Variants in CSNK2A2IP observed in about 807,000 individuals in gnomAD.
CSNK2A2IP encodes casein kinase 2 subunit alpha' interacting protein.
the CSNK2A2IP span, among the ~76,000 whole-genome samples, chr3:88,458,141 GTTTTTTTTTT>G: frequency 1.2e-5 from 1 of 83,304 alleles, no homozygotes; most frequent in African/African-American, 5.4e-5. Context: ...TGTAATTGTG[GTTTTTTTTTT>G]TTTTTTTTTT....
chr3:88,400,055 A>G, the CSNK2A2IP span, among the ~76,000 whole-genome samples: 1 of 152,344 alleles, frequency 6.6e-6, no homozygotes, highest in East Asian at 1.9e-4. Context: ...AGAGTAGAAA[A>G]GTAACATCTG....
chr3:88,401,937 T>G, the CSNK2A2IP span, among the ~76,000 whole-genome samples: 1 of 152,026 alleles, frequency 6.6e-6, no homozygotes, highest in Non-Finnish European at 1.5e-5. Flanking sequence ...GAGCTCTTTT[T>G]GAGTGTTTGG....
the CSNK2A2IP span, among the ~76,000 whole-genome samples, chr3:88,344,069 T>A: frequency 6.6e-6 from 1 of 151,956 alleles, no homozygotes; most frequent in African/African-American, 2.4e-5. Flanking sequence ...CTAAAAACTT[T>A]GTGGTAGAAT....
chr3:88,358,799 G>T, the CSNK2A2IP span, among the ~76,000 whole-genome samples: 5 of 152,166 alleles, frequency 3.3e-5, no homozygotes, highest in East Asian at 9.7e-4. Flanking sequence ...AGTTTTTGTT[G>T]TTGTTGTGTC....
chr3:88,434,888 A>C, the CSNK2A2IP span, among the ~76,000 whole-genome samples: 4 of 152,306 alleles, frequency 2.6e-5, no homozygotes, highest in East Asian at 7.7e-4. Context: ...GTATTGTCAA[A>C]AAGAGATCCC....
At chr3:88,352,327 C>T in the CSNK2A2IP span, among the ~76,000 whole-genome samples, 3 of 151,932 alleles carry the variant, frequency 2.0e-5, no homozygotes, top group South Asian at 4.1e-4. Context: ...CTATTCAAGA[C>T]AAAGGAATTG....
chr3:88,340,303 G>A, the CSNK2A2IP span, among the ~76,000 whole-genome samples: 2 of 151,898 alleles, frequency 1.3e-5, no homozygotes, highest in Non-Finnish European at 2.9e-5. Flanking sequence ...CCTCCAAGAA[G>A]GAATGTACTT....
At chr3:88,410,209 G>A in the CSNK2A2IP span, among the ~76,000 whole-genome samples, 2 of 152,020 alleles carry the variant, frequency 1.3e-5, no homozygotes, top group Non-Finnish European at 2.9e-5. Context: ...AAAACTACAT[G>A]GGGCGATAAC....
At chr3:88,405,962 GT>G in the CSNK2A2IP span, among the ~76,000 whole-genome samples, 33 of 150,922 alleles carry the variant, frequency 2.2e-4, no homozygotes, top group Admixed American at 2.1e-3. Flanking sequence ...CAGAACCTAA[GT>G]TTTTTTCATC....
chr3:88,420,533 AT>A, the CSNK2A2IP span, among the ~76,000 whole-genome samples: 5 of 152,152 alleles, frequency 3.3e-5, no homozygotes, highest in Admixed American at 6.5e-5. Flanking sequence ...AATAAGCTAT[AT>A]TTTTGTTTAT....
the CSNK2A2IP span, among the ~76,000 whole-genome samples, chr3:88,464,009 T>A: frequency 2.6e-5 from 4 of 151,968 alleles, no homozygotes; most frequent in Admixed American, 6.6e-5. Flanking sequence ...TCATGTCCTT[T>A]GTAGGGACAT....
chr3:88,396,458 G>A, the CSNK2A2IP span, among the ~76,000 whole-genome samples: 1 of 152,178 alleles, frequency 6.6e-6, no homozygotes, highest in Non-Finnish European at 1.5e-5. Context: ...TAGGAGGAGA[G>A]TACAGAAAGT....
chr3:88,345,185 A>C, the CSNK2A2IP span, among the ~76,000 whole-genome samples: 2 of 152,006 alleles, frequency 1.3e-5, no homozygotes, highest in African/African-American at 4.8e-5. Flanking sequence ...TCCTGATTGC[A>C]TCCCCTCATT....
the CSNK2A2IP span, among the ~76,000 whole-genome samples, chr3:88,438,068 T>G: frequency 6.6e-6 from 1 of 152,302 alleles, no homozygotes; most frequent in Non-Finnish European, 1.5e-5. Context: ...TCTTATTGAT[T>G]CTACTCTTTA....
the CSNK2A2IP span, among the ~76,000 whole-genome samples, chr3:88,355,681 A>G: frequency 6.6e-6 from 1 of 152,142 alleles, no homozygotes; most frequent in East Asian, 1.9e-4. Flanking sequence ...ATATTTGAGG[A>G]ATTTCCAGGG....
chr3:88,350,174 C>T, the CSNK2A2IP span, among the ~76,000 whole-genome samples: 1 of 152,126 alleles, frequency 6.6e-6, no homozygotes, highest in Non-Finnish European at 1.5e-5. Flanking sequence ...GCTCTTTCTT[C>T]AGCCAAGGAC....
At chr3:88,421,170 T>C in the CSNK2A2IP span, among the ~76,000 whole-genome samples, 1 of 152,190 alleles carries the variant, frequency 6.6e-6, no homozygotes, top group East Asian at 1.9e-4. Flanking sequence ...CCAAACTTTA[T>C]TTCTCTATAA....
the CSNK2A2IP span, among the ~76,000 whole-genome samples, chr3:88,430,359 C>T: frequency 2.7e-4 from 41 of 152,130 alleles, no homozygotes; most frequent in Admixed American, 5.2e-4. Context: ...GCAGCCTTTG[C>T]TGCTGCTTAT....
the CSNK2A2IP span, among the ~76,000 whole-genome samples, chr3:88,434,840 G>C: frequency 6.6e-6 from 1 of 152,138 alleles, no homozygotes; most frequent in South Asian, 2.1e-4. Context: ...GGAATTAGGG[G>C]AAGACCAAAA....
Sources: allele counts gnomAD v4.1 joint callset (sites outside exome capture counted in the v4.1 genomes callset), GRCh38; gene constraint gnomAD v4.1.1; transcripts MANE v1.5; gene names NCBI Gene and HGNC (gene_info 2026-07-23, HGNC 2026-07-21).